CNTNAP2: variants seen among roughly 807,000 people sequenced by gnomAD.
CNTNAP2 encodes the protein contactin associated protein 2.
Under a neutral mutation model 155.2 loss-of-function variants are expected in CNTNAP2, and 98 were observed. That is an observed-to-expected ratio of 0.63 (90% CI 0.54 to 0.75). CNTNAP2 has a LOEUF of 0.75. Among genes scored for constraint, CNTNAP2 ranks in the 30% least tolerant of loss-of-function variants. The pLI is 0.00. For missense variants in CNTNAP2, 1,727 were observed against 1,688.1 expected, an observed-to-expected ratio of 1.02 and a Z score of -0.40; for synonymous variants, 651 against 631.2, an observed-to-expected ratio of 1.03 and a Z score of -0.47.
At chr7:147,704,938 T>C (rs913837274) in intron 13 of CNTNAP2, among the ~76,000 whole-genome samples, 5 of 152,088 alleles carry the variant, frequency 3.3e-5, no homozygotes, top group Non-Finnish European at 2.9e-5. Context: ...TATTTCTCAT[T>C]TTTTTATTTG....
rs181797063 is a variant in CNTNAP2 at position 146,280,618 on chromosome 7, T to C, written c.97+163645T>C. ...ATTCTGTCTCCACATTATGTATCAT[T>C]TGGGCAGATTTTCATAAGTAGGGTC... On this transcript the variant is annotated intron_variant, in intron 1 of 23. Coordinates refer to ENST00000361727, the MANE Select transcript of CNTNAP2 (RefSeq NM_014141.6). Among the ~76,000 whole-genome samples, 526 of 152,250 alleles carry C rather than the reference T, an allele frequency of 3.5e-3. 4 individuals are homozygous for C. Among genetic ancestry groups the C allele is most frequent in the South Asian group, 8.5e-3 (41 of 4,822 alleles).
intron 19 of CNTNAP2, among the ~76,000 whole-genome samples, chr7:148,220,840 T>A (rs1466779821): frequency 6.6e-6 from 1 of 152,184 alleles, no homozygotes; most frequent in Non-Finnish European, 1.5e-5. Context: ...TTCTCCTGGA[T>A]CAGGGTCAAT....
intron 10 of CNTNAP2, among the ~76,000 whole-genome samples, chr7:147,457,334 G>A (rs1055122912): frequency 6.6e-6 from 1 of 152,100 alleles, no homozygotes. Context: ...GACTCAATGT[G>A]CTTCCATTTT....
chr7:147,964,526 A>G (rs928434430), intron 14 of CNTNAP2, among the ~76,000 whole-genome samples: 6 of 152,190 alleles, frequency 3.9e-5, no homozygotes, highest in Admixed American at 6.6e-5. Context: ...TCCTCACAGG[A>G]GAAAAATAAA....
At chr7:147,050,773 G>A (rs950307395) in intron 4 of CNTNAP2, among the ~76,000 whole-genome samples, 2 of 152,102 alleles carry the variant, frequency 1.3e-5, no homozygotes, top group Admixed American at 6.6e-5. Flanking sequence ...ACGATGGAAA[G>A]GTATTCTATC....
intron 1 of CNTNAP2, among the ~76,000 whole-genome samples, chr7:146,706,919 A>AC (rs999347817): frequency 3.3e-5 from 4 of 122,662 alleles, no homozygotes; most frequent in African/African-American, 1.6e-4. Flanking sequence ...TTAAAAGTTA[A>AC]AAAAAAAAAA....
chr7:146,947,600 T>C (rs1797217233), intron 3 of CNTNAP2, among the ~76,000 whole-genome samples: 1 of 140,636 alleles, frequency 7.1e-6, no homozygotes, highest in Non-Finnish European at 1.5e-5. Flanking sequence ...TATATATATG[T>C]ATATATCTTT....
intron 2 of CNTNAP2, among the ~76,000 whole-genome samples, chr7:146,810,627 T>C (rs1585101191): frequency 9.1e-6 from 1 of 109,780 alleles, no homozygotes. Flanking sequence ...TTTCTATCTG[T>C]TTTTTTTTTA....
intron 2 of CNTNAP2, among the ~76,000 whole-genome samples, chr7:146,807,555 G>T (rs972768193): frequency 2.6e-5 from 4 of 151,982 alleles, no homozygotes; most frequent in Non-Finnish European, 5.9e-5. Flanking sequence ...ATTTACATTT[G>T]CAGTATCATT....
In CNTNAP2 at chr7:147,504,839, T is replaced by TATATAG. The variant is rs35388373; in HGVS notation, c.1777+18798_1777+18799insATATAG. 4.9e-3 allele frequency among the ~76,000 whole-genome samples: 740 copies of TATATAG among 150,348 alleles called. 4 individuals carry two copies. Among genetic ancestry groups the TATATAG allele is most frequent in the Non-Finnish European group, 7.4e-3 (498 of 67,636 alleles). ...AACTATATTCATATATATATATATA[T>TATATAG]GAATCAGAAAGACTCATTTTTCCAG... On this transcript the variant is annotated intron_variant, in intron 11 of 23. Transcript: ENST00000361727.
intron 4 of CNTNAP2, among the ~76,000 whole-genome samples, chr7:147,049,011 G>C (rs1799419624): frequency 6.6e-6 from 1 of 152,164 alleles, no homozygotes. Flanking sequence ...GGGTAATCTA[G>C]AAAGAACACA....
rs546704366 is a variant in CNTNAP2 at position 147,646,961 on chromosome 7, T to C, written c.2098+7655T>C. 2.6e-5 allele frequency among the ~76,000 whole-genome samples: 4 copies of C among 151,394 alleles called. No individual in the cohort carries two copies. In the South Asian group the frequency reaches 8.3e-4, roughly 32 times the overall value. ...AATACTAATTTTGTTTATTTGTTTGTGGATGGAATGTTATTATGTTCACTT... is the reference window on the plus strand; with the variant it reads ...AATACTAATTTTGTTTATTTGTTTGCGGATGGAATGTTATTATGTTCACTT... On this transcript the variant is annotated intron_variant, in intron 13 of 23. Coordinates refer to ENST00000361727, the MANE Select transcript of CNTNAP2 (RefSeq NM_014141.6).
At chr7:148,167,219 A>G (rs963187454) in intron 17 of CNTNAP2, among the ~76,000 whole-genome samples, 4 of 152,112 alleles carry the variant, frequency 2.6e-5, no homozygotes, top group African/African-American at 9.7e-5. Flanking sequence ...GGCTCACTGC[A>G]ACCTCTGCCT....
intron 11 of CNTNAP2, among the ~76,000 whole-genome samples, chr7:147,495,314 C>A (rs1038243559): frequency 6.6e-6 from 1 of 152,136 alleles, no homozygotes; most frequent in Non-Finnish European, 1.5e-5. Flanking sequence ...GATTGTTTAA[C>A]CTTGGTAAAC....
chr7:146,148,267 T>G (rs1797983853), intron 1 of CNTNAP2, among the ~76,000 whole-genome samples: 1 of 152,070 alleles, frequency 6.6e-6, no homozygotes, highest in African/African-American at 2.4e-5. Flanking sequence ...GTGCCAGAAA[T>G]TATGGTGGGG....
chr7:147,764,139 A>G (rs78722982), intron 13 of CNTNAP2, among the ~76,000 whole-genome samples: 3,191 of 151,884 alleles, frequency 0.021, 94 homozygotes, highest in African/African-American at 0.073. Flanking sequence ...GCTATGGGTT[A>G]TTTTCTTAGG....
At chr7:147,505,122 C>T (rs887373291) in intron 11 of CNTNAP2, among the ~76,000 whole-genome samples, 4 of 152,084 alleles carry the variant, frequency 2.6e-5, no homozygotes, top group Admixed American at 1.3e-4. Flanking sequence ...AAGCTCACTC[C>T]GGGCCCCTGG....
intron 13 of CNTNAP2, among the ~76,000 whole-genome samples, chr7:147,717,770 T>A (rs192272548): frequency 1.3e-5 from 2 of 152,134 alleles, no homozygotes; most frequent in Admixed American, 1.3e-4. Flanking sequence ...GCTTATAGTT[T>A]TAGCTGCTCA....
At chr7:147,573,499 T>C (rs910567832) in intron 12 of CNTNAP2, among the ~76,000 whole-genome samples, 5 of 152,212 alleles carry the variant, frequency 3.3e-5, no homozygotes, top group African/African-American at 1.2e-4. Context: ...GCTCACTTGG[T>C]GTAGCTCTAG....
Sources: gnomAD v4.1 joint callset for allele counts (sites outside exome capture counted in the v4.1 genomes callset) on GRCh38, gnomAD v4.1.1 for gene constraint, MANE v1.5 for transcripts, NCBI Gene and HGNC (gene_info 2026-07-23, HGNC 2026-07-21) for gene names.